Variants in KNSTRN observed in about 807,000 individuals in gnomAD.
The protein encoded by KNSTRN is kinetochore localized astrin (SPAG5) binding protein.
Under a neutral mutation model 44.7 loss-of-function variants are expected in KNSTRN, and 38 were observed. The observed-to-expected ratio is 0.85, with a 90% confidence interval of 0.66 to 1.11. The LOEUF is 1.11. KNSTRN is among the 50% of genes most tolerant of loss of function. The probability of loss-of-function intolerance (pLI) is 0.00; values close to 1 mark genes in which losing one functional copy is unlikely to be tolerated. For missense variants in KNSTRN, 406 were observed against 375.8 expected (o/e 1.08, Z -0.66); for synonymous variants, 158 against 148.1 (o/e 1.07, Z -0.48).
In KNSTRN at chr15:40,393,742, G is replaced by A; in HGVS notation, c.*145G>A. The A allele has an allele frequency of 1.4e-6, 1 of 732,824 alleles. No homozygotes were observed. Among genetic ancestry groups the A allele is most frequent in the Non-Finnish European group, 2.1e-6 (1 of 476,062 alleles). The allele number at this position is 732,824 out of a possible 1,614,324, so 45.4% of individuals were successfully genotyped here. On this transcript the variant is annotated 3_prime_UTR_variant, in exon 9 of 9. Transcript: ENST00000249776. ...TACAGTAGACTTAAGGACAGTTTAT[G>A]CTGAAATGGCAATTCCTCATTTAAG... is the stretch of plus-strand genomic sequence containing the variant.
intron 2 of KNSTRN, chr15:40,384,538 CTT>C: frequency 2.2e-6 from 1 of 454,796 alleles, no homozygotes; most frequent in Non-Finnish European, 4.4e-6. Flanking sequence ...GCTGCTGTGT[CTT>C]TCCCTTAGAT....
intron 3 of KNSTRN, 58 bp downstream of exon 3, chr15:40,386,552 A>T (rs956764161): frequency 3.0e-5 from 47 of 1,575,858 alleles, no homozygotes; most frequent in African/African-American, 4.1e-5. Context: ...GCTCAATACA[A>T]AGAATTAGAA....
At chr15:40,386,788 G>T (rs1889910403) in intron 3 of KNSTRN, 1 of 503,674 alleles carries the variant, frequency 2.0e-6, no homozygotes, top group South Asian at 2.3e-5. Context: ...GTCATGCAGG[G>T]TGGGGACTAG....
intron 7 of KNSTRN, 116 bp from the exon 8 acceptor site, chr15:40,391,833 C>T (rs760837514): frequency 1.2e-6 from 1 of 814,694 alleles, no homozygotes; most frequent in Non-Finnish European, 2.0e-6. Flanking sequence ...TATACTTTAT[C>T]AAATTTCTCT....
chr15:40,383,323 G>A lies in KNSTRN; in HGVS notation c.304+1G>A. ...GCGCTGAGCGGCGGCCAGCCGGCAG[G>A]TGAGGGTCCAAGCCACGCCCGGGGC... On this transcript the variant is annotated splice_donor_variant, in intron 2 of 8. Coordinates refer to ENST00000249776, the MANE Select transcript of KNSTRN (RefSeq NM_033286.4). LOFTEE classifies it high-confidence loss of function. 6.2e-7 allele frequency: 1 copy of A among 1,609,924 alleles called. No individual in the cohort carries two copies. The highest frequency in any genetic ancestry group is 8.5e-7 in the Non-Finnish European group (1 of 1,177,108).
rs1890006531 is a variant in KNSTRN, at chr15:40,392,003, A to G, written c.802A>G (p.Lys268Glu). 2 of 1,611,166 alleles carry G rather than the reference A, an allele frequency of 1.2e-6. No homozygotes were observed. The highest frequency in any genetic ancestry group is 2.7e-5 in the African/African-American group (2 of 74,812). ...ELKLFNETAK[K>E]QMEELQALKV... ...GAAGCTTTTTAACGAAACAGCCAAA[A>G]AGCAGATGGAGGAGTTACAGGTGAG... The change falls in exon 8 of 9, where the codon AAG becomes GAG. Residue 268 changes from lysine (K) to glutamate (E), a missense_variant. Lys to Glu is a moderately conservative substitution (Grantham distance 56). Coordinates refer to ENST00000249776, the MANE Select transcript of KNSTRN (RefSeq NM_033286.4).
At chr15:40,384,465 A>T in intron 2 of KNSTRN, 1 of 455,938 alleles carries the variant, frequency 2.2e-6, no homozygotes, top group South Asian at 1.5e-5. Context: ...AGAACACCTG[A>T]ATGGTAATCC....
intron 4 of KNSTRN, among the ~76,000 whole-genome samples, chr15:40,387,916 G>A (rs1256393761): frequency 6.6e-6 from 1 of 152,208 alleles, no homozygotes; most frequent in African/African-American, 2.4e-5. Context: ...GCTGAGGCAG[G>A]AGGATCACTT....
chr15:40,383,453 T>C lies in KNSTRN; in HGVS notation c.304+131T>C. On this transcript the variant is annotated intron_variant, in intron 2 of 8. Transcript: ENST00000249776. Reference sequence around the variant, plus strand: ...GCCCTGAAAACCTGTGAGCCCCCTATAACCAGGCTATGTAGGTTTATGATG... The same window carrying C: ...GCCCTGAAAACCTGTGAGCCCCCTACAACCAGGCTATGTAGGTTTATGATG... 9.2e-6 allele frequency: 6 copies of C among 649,960 alleles called. No individual in the cohort carries two copies. The South Asian group carries it at 1.1e-4, about 12-fold the overall frequency. The allele number at this position is 649,960 out of a possible 1,614,324, so 40.3% of individuals were successfully genotyped here.
At chr15:40,385,695 A>G (rs983370782) in intron 2 of KNSTRN, among the ~76,000 whole-genome samples, 1 of 152,150 alleles carries the variant, frequency 6.6e-6, no homozygotes, top group Non-Finnish European at 1.5e-5. Context: ...GCCTTAGGAG[A>G]GTGTGCAGAG....
At chr15:40,390,343 G>A (rs1889977969) in intron 6 of KNSTRN, among the ~76,000 whole-genome samples, 1 of 152,198 alleles carries the variant, frequency 6.6e-6, no homozygotes. Flanking sequence ...TCCCAAATGG[G>A]AAGAGAAAGA....
At chr15:40,386,907 G>A (rs952973126) in intron 3 of KNSTRN, 4 of 562,552 alleles carry the variant, frequency 7.1e-6, no homozygotes, top group Non-Finnish European at 9.5e-6. Flanking sequence ...AGATAGCCAC[G>A]CCATCTTGAG....
chr15:40,384,575 G>A (rs1889872574), intron 2 of KNSTRN: 2 of 441,392 alleles, frequency 4.5e-6, no homozygotes, highest in African/African-American at 4.1e-5. Flanking sequence ...TCAGTGGGCA[G>A]TGACTAGCTC....
rs1017300626 is a variant in KNSTRN, at chr15:40,389,091, T to G, written c.486-415T>G. 4 of 438,364 alleles carry G rather than the reference T, an allele frequency of 9.1e-6. No homozygotes were observed. In the Admixed American group the frequency reaches 1.0e-4, roughly 11 times the overall value. 27.2% of individuals were successfully genotyped at this position (438,364 alleles called of 1,614,324 possible). ...CAACTCACTGAAGGTCATATACCAC[T>G]GTGTAATAGCCAGGATAGAATGGGA... On this transcript the variant is annotated intron_variant, in intron 4 of 8. Coordinates refer to ENST00000249776, the MANE Select transcript of KNSTRN (RefSeq NM_033286.4).
intron 8 of KNSTRN, among the ~76,000 whole-genome samples, chr15:40,392,304 T>C (rs1013426567): frequency 6.6e-6 from 1 of 152,076 alleles, no homozygotes; most frequent in African/African-American, 2.4e-5. Flanking sequence ...ACCTAGGTAT[T>C]GAGCCCAGCA....
At chr15:40,390,403 T>A (rs373774904) in intron 6 of KNSTRN, among the ~76,000 whole-genome samples, 5 of 152,176 alleles carry the variant, frequency 3.3e-5, no homozygotes, top group East Asian at 1.9e-4. Context: ...AGAATTACAG[T>A]GACTAAAATA....
intron 5 of KNSTRN, 50 bp downstream of exon 5, chr15:40,389,661 A>C (rs750430180): frequency 7.1e-7 from 1 of 1,416,098 alleles, no homozygotes; most frequent in Non-Finnish European, 1.0e-6. Context: ...GGCGATCCAC[A>C]TGGAATCCTG....
Position 40,391,522 on chromosome 15 carries a change from C to T in KNSTRN, c.715C>T (p.Gln239Ter). The change falls in exon 7 of 9, where the codon CAA becomes TAA. Residue 239 changes from glutamine (Q) to a stop codon, truncating the protein, a stop_gained. Transcript: ENST00000249776. LOFTEE classifies it high-confidence loss of function. ...ALGSETLASR[Q>*]ESTTDHMDSM... Reference sequence around the variant, plus strand: ...AGGCAGTGAGACCCTGGCATCACGACAAGAATCCACTACTGATCACATGGA... The same window carrying T: ...AGGCAGTGAGACCCTGGCATCACGATAAGAATCCACTACTGATCACATGGA... 6.2e-7 allele frequency: 1 copy of T among 1,613,962 alleles called. No homozygotes were observed. The highest frequency in any genetic ancestry group is 8.5e-7 in the Non-Finnish European group (1 of 1,179,932).
Position 40,393,760 on chromosome 15 carries a change from C to A in KNSTRN, c.*163C>A, listed in dbSNP as rs1469066544. The A allele has an allele frequency of 9.7e-6, 6 of 620,544 alleles. No individual in the cohort carries two copies. Among genetic ancestry groups the A allele is most frequent in the African/African-American group, 1.9e-5 (1 of 52,592 alleles). The allele number at this position is 620,544 out of a possible 1,614,324, so 38.4% of individuals were successfully genotyped here. ...AGTTTATGCTGAAATGGCAATTCCT[C>A]ATTTAAGCAAGTTTTCCCAACCTTC... On this transcript the variant is annotated 3_prime_UTR_variant, in exon 9 of 9. Transcript: ENST00000249776.
Sources: allele counts gnomAD v4.1 joint callset (sites outside exome capture counted in the v4.1 genomes callset), GRCh38; gene constraint gnomAD v4.1.1; transcripts MANE v1.5; gene names NCBI Gene and HGNC (gene_info 2026-07-23, HGNC 2026-07-21).